SLC25A48: variants seen among roughly 807,000 people sequenced by gnomAD.
SLC25A48 encodes CTC-321K16.1.
Under a neutral mutation model 32.2 loss-of-function variants are expected in SLC25A48, and 29 were observed. That is an observed-to-expected ratio of 0.90 (90% confidence interval 0.67 to 1.23). The LOEUF (loss-of-function observed/expected upper bound fraction) is 1.23, where lower values mean the gene tolerates loss of function less well. Among genes scored for constraint, SLC25A48 ranks in the 50% most tolerant of loss-of-function variants. The probability of loss-of-function intolerance (pLI) is 0.00; values close to 1 mark genes in which losing one functional copy is unlikely to be tolerated. For synonymous variants in SLC25A48, 164 were observed against 172.3 expected (o/e 0.95, Z 0.38); for missense variants, 399 against 422.7 (o/e 0.94, Z 0.49).
chr5:135,598,179 T>C (rs1026375639), intron 1 of SLC25A48, among the ~76,000 whole-genome samples: 1 of 152,192 alleles, frequency 6.6e-6, no homozygotes, highest in African/African-American at 2.4e-5. Flanking sequence ...TTATCATTAT[T>C]GTAGTTATGT....
intron 3 of SLC25A48, among the ~76,000 whole-genome samples, chr5:135,660,968 C>G (rs1454745843): frequency 1.3e-5 from 2 of 152,204 alleles, no homozygotes. Flanking sequence ...TGGACAGAAC[C>G]CAAAGCAGTG....
intron 1 of SLC25A48, among the ~76,000 whole-genome samples, chr5:135,584,623 A>G (rs1751319875): frequency 6.6e-6 from 1 of 152,266 alleles, no homozygotes; most frequent in Admixed American, 6.5e-5. Flanking sequence ...AAACCATTTC[A>G]TCTTATTAAC....
chr5:135,856,473 C>T (rs1282641475), intron 4 of SLC25A48, among the ~76,000 whole-genome samples: 2 of 152,194 alleles, frequency 1.3e-5, no homozygotes, highest in South Asian at 2.1e-4. Flanking sequence ...CCTGCCCCAG[C>T]CCCGGAGCTG....
chr5:135,800,724 A>T (rs1446775876), intron 3 of SLC25A48, among the ~76,000 whole-genome samples: 2 of 151,622 alleles, frequency 1.3e-5, no homozygotes, highest in African/African-American at 4.8e-5. Flanking sequence ...AGGAGGGGAG[A>T]GGGTGATACT....
intron 1 of SLC25A48, among the ~76,000 whole-genome samples, chr5:135,602,901 T>C (rs1561753814): frequency 6.6e-6 from 1 of 152,174 alleles, no homozygotes; most frequent in Non-Finnish European, 1.5e-5. Context: ...ACCAGATGGA[T>C]ATATGTCTGT....
intron 3 of SLC25A48, chr5:135,649,199 C>T (rs1451068638): frequency 6.6e-6 from 1 of 152,192 alleles, no homozygotes; most frequent in East Asian, 1.9e-4. Flanking sequence ...CAACAGCATC[C>T]ACAGAAATCA....
intron 4 of SLC25A48, among the ~76,000 whole-genome samples, chr5:135,858,461 T>C (rs1441818218): frequency 6.6e-6 from 1 of 152,222 alleles, no homozygotes; most frequent in Admixed American, 6.5e-5. Context: ...TTGGCAGTAG[T>C]GGCTGAGTGG....
intron 1 of SLC25A48, among the ~76,000 whole-genome samples, chr5:135,596,897 C>G (rs956904394): frequency 6.6e-6 from 1 of 152,148 alleles, no homozygotes; most frequent in Non-Finnish European, 1.5e-5. Context: ...TGGGGGTGCA[C>G]TTGGCAGAGG....
chr5:135,768,809 G>A (rs1202716105), intron 3 of SLC25A48, among the ~76,000 whole-genome samples: 1 of 151,692 alleles, frequency 6.6e-6, no homozygotes, highest in Non-Finnish European at 1.5e-5. Context: ...TAATATCCAG[G>A]TAAAAGAGGA....
chr5:135,591,895 C>T (rs1441873486), intron 1 of SLC25A48, among the ~76,000 whole-genome samples: 1 of 152,216 alleles, frequency 6.6e-6, no homozygotes, highest in Non-Finnish European at 1.5e-5. Context: ...AAATAGATCA[C>T]TCAGGCTCTG....
At chr5:135,849,551 G>C (rs535881719) in intron 2 of SLC25A48, among the ~76,000 whole-genome samples, 1 of 152,276 alleles carries the variant, frequency 6.6e-6, no homozygotes, top group African/African-American at 2.4e-5. Flanking sequence ...TGTTCAGTCA[G>C]TGCAAAGGGG....
At chr5:135,617,184 G>C (rs1752210319) in intron 1 of SLC25A48, among the ~76,000 whole-genome samples, 1 of 151,946 alleles carries the variant, frequency 6.6e-6, no homozygotes, top group African/African-American at 2.4e-5. Flanking sequence ...ATTCAATCTT[G>C]GTAGGCAGTG....
At chr5:135,611,518 A>G (rs1198325453) in intron 1 of SLC25A48, among the ~76,000 whole-genome samples, 1 of 147,108 alleles carries the variant, frequency 6.8e-6, no homozygotes, top group Non-Finnish European at 1.5e-5. Context: ...AAAAAAAAAA[A>G]AAAAAAAAAG....
intron 3 of SLC25A48, among the ~76,000 whole-genome samples, chr5:135,681,015 C>T (rs543030128): frequency 1.7e-4 from 26 of 151,792 alleles, no homozygotes; most frequent in African/African-American, 2.4e-4. Flanking sequence ...GATGGAGTTT[C>T]GCTCTAGTTG....
chr5:135,727,464 G>A (rs1352191271), intron 3 of SLC25A48, among the ~76,000 whole-genome samples: 2 of 151,926 alleles, frequency 1.3e-5, no homozygotes, highest in Non-Finnish European at 2.9e-5. Context: ...TGCTTTTGAT[G>A]TCAAGTTGAA....
At chr5:135,605,605 ATCT>A (rs1207663411) in intron 1 of SLC25A48, among the ~76,000 whole-genome samples, 1 of 152,184 alleles carries the variant, frequency 6.6e-6, no homozygotes, top group African/African-American at 2.4e-5. Context: ...AACATTTAAC[ATCT>A]TCTTCACTAC....
intron 7 of SLC25A48, among the ~76,000 whole-genome samples, chr5:135,881,040 A>G (rs932240197): frequency 6.6e-6 from 1 of 151,986 alleles, no homozygotes; most frequent in Non-Finnish European, 1.5e-5. Flanking sequence ...TGCCTGGCAC[A>G]GAGCCCAGCA....
At chr5:135,699,447 C>A in intron 3 of SLC25A48, among the ~76,000 whole-genome samples, 1 of 150,238 alleles carries the variant, frequency 6.7e-6, no homozygotes, top group African/African-American at 2.4e-5. Flanking sequence ...CCAAGAGATA[C>A]ATGACATGAT....
At chr5:135,697,398 T>G (rs894877505) in intron 3 of SLC25A48, among the ~76,000 whole-genome samples, 9 of 152,196 alleles carry the variant, frequency 5.9e-5, no homozygotes, top group African/African-American at 1.7e-4. Context: ...TTTCTGGTGC[T>G]TCCCACACAG....
Sources: gnomAD v4.1 joint callset for allele counts (sites outside exome capture counted in the v4.1 genomes callset) on GRCh38, gnomAD v4.1.1 for gene constraint, MANE v1.5 for transcripts, NCBI Gene and HGNC (gene_info 2026-07-23, HGNC 2026-07-21) for gene names.